The following FMNL2 variants were observed in gnomAD, a reference collection of about 807,000 sequenced individuals.
FMNL2 encodes the protein formin like 2, also known as formin-like protein 2.
A neutral mutation model predicts 130.2 loss-of-function variants in FMNL2; 51 were observed. The ratio of observed to expected loss-of-function variants is 0.39; its 90% CI spans 0.31 to 0.49. The LOEUF (loss-of-function observed/expected upper bound fraction) is 0.49, where lower values mean the gene tolerates loss of function less well. Ranked by LOEUF, FMNL2 falls within the 20% of genes least tolerant of loss-of-function variation. The probability of loss-of-function intolerance (pLI) is 0.85; values close to 1 mark genes in which losing one functional copy is unlikely to be tolerated. For synonymous variants in FMNL2, 465 were observed against 467.1 expected (o/e 1.00, Z 0.06); for missense variants, 977 against 1,316.2 (o/e 0.74, Z 3.99).
intron 2 of FMNL2, among the ~76,000 whole-genome samples, chr2:152,526,866 C>T: frequency 6.6e-6 from 1 of 151,804 alleles, no homozygotes. Flanking sequence ...AAATTTTTCT[C>T]TTGTATTCAA....
chr2:152,525,169 G>C (rs765611892), intron 2 of FMNL2, among the ~76,000 whole-genome samples: 6 of 152,132 alleles, frequency 3.9e-5, no homozygotes, highest in Admixed American at 2.6e-4. Flanking sequence ...TGTTATACCA[G>C]GGATCTGGAA....
intron 1 of FMNL2, among the ~76,000 whole-genome samples, chr2:152,501,540 T>C (rs563878840): frequency 2.6e-5 from 4 of 152,302 alleles, no homozygotes; most frequent in Non-Finnish European, 4.4e-5. Flanking sequence ...CAAACCAAAC[T>C]AGCCAGCTTG....
intron 1 of FMNL2, among the ~76,000 whole-genome samples, chr2:152,397,661 T>C (rs2105949715): frequency 6.6e-6 from 1 of 152,262 alleles, no homozygotes; most frequent in African/African-American, 2.4e-5. Context: ...CCTCCTTTTT[T>C]TTTCTTTTAT....
intron 4 of FMNL2, among the ~76,000 whole-genome samples, chr2:152,549,364 G>T (rs113907216): frequency 4.4e-4 from 67 of 152,288 alleles, no homozygotes; most frequent in African/African-American, 1.5e-3. Context: ...TTTCATGTGT[G>T]CATAACAATT....
chr2:152,358,420 CG>C (rs1438049561), intron 1 of FMNL2, among the ~76,000 whole-genome samples: 2 of 151,944 alleles, frequency 1.3e-5, no homozygotes, highest in Non-Finnish European at 2.9e-5. Context: ...GAGGCTGAGG[CG>C]GGTGGATCAC....
At chr2:152,614,411 A>C (rs1698837242) in intron 11 of FMNL2, among the ~76,000 whole-genome samples, 1 of 152,204 alleles carries the variant, frequency 6.6e-6, no homozygotes, top group African/African-American at 2.4e-5. Context: ...ATGACATGTT[A>C]AGCTCTCTTG....
chr2:152,538,971 C>CT (rs1285138206), intron 2 of FMNL2, among the ~76,000 whole-genome samples: 1 of 152,116 alleles, frequency 6.6e-6, no homozygotes, highest in African/African-American at 2.4e-5. Context: ...ATTTTTCCCT[C>CT]TAAATATTAG....
chr2:152,390,202 G>T (rs112146210), intron 1 of FMNL2: 2 of 1,402,966 alleles, frequency 1.4e-6, no homozygotes, highest in African/African-American at 1.4e-5. Context: ...GTCCCTTTCC[G>T]TGTAAACTTC....
In FMNL2 at chr2:152,619,552, G is replaced by GCCACCCCCCCCCCC; in HGVS notation, c.1673_1674insACCCCCCCCCCCCC (p.Pro564LeufsTer29). ...CACCACCTATGCCACCGCCGCCGCC[G>GCCACCCCCCCCCCC]CCCCCTCCTCCACCTCCTCCTCCCC... On this transcript the variant is annotated frameshift_variant, in exon 15 of 26. Transcript: ENST00000288670. LOFTEE classifies it high-confidence loss of function. 2 of 1,417,700 alleles carry GCCACCCCCCCCCCC rather than the reference G, an allele frequency of 1.4e-6. No individual in the cohort carries two copies. Among genetic ancestry groups the GCCACCCCCCCCCCC allele is most frequent in the South Asian group, 1.3e-5 (1 of 79,022 alleles). The allele number at this position is 1,417,700 out of a possible 1,614,324, so 87.8% of individuals were successfully genotyped here.
chr2:152,419,498 G>A (rs1686794720), intron 1 of FMNL2, among the ~76,000 whole-genome samples: 1 of 152,072 alleles, frequency 6.6e-6, no homozygotes, highest in Non-Finnish European at 1.5e-5. Context: ...CAAAACAATC[G>A]AATTCATAGA....
intron 1 of FMNL2, among the ~76,000 whole-genome samples, chr2:152,379,363 C>T (rs1475854980): frequency 6.6e-6 from 1 of 152,196 alleles, no homozygotes; most frequent in Non-Finnish European, 1.5e-5. Flanking sequence ...AGTCTTCTTG[C>T]AGTAACTTCC....
intron 5 of FMNL2, among the ~76,000 whole-genome samples, chr2:152,559,233 G>A (rs1451273012): frequency 1.3e-5 from 2 of 152,206 alleles, no homozygotes; most frequent in African/African-American, 2.4e-5. Context: ...CATAGAAAAT[G>A]ATTGCAGAAA....
intron 9 of FMNL2, among the ~76,000 whole-genome samples, chr2:152,600,609 G>A (rs557567458): frequency 2.0e-5 from 3 of 152,134 alleles, no homozygotes; most frequent in Admixed American, 1.3e-4. Flanking sequence ...CCTAACCGCC[G>A]CCCACCCTTT....
At chr2:152,435,773 TG>T (rs1428870293) in intron 1 of FMNL2, among the ~76,000 whole-genome samples, 1 of 152,200 alleles carries the variant, frequency 6.6e-6, no homozygotes, top group Non-Finnish European at 1.5e-5. Context: ...CAAACCAAAT[TG>T]CTAATTATGT....
chr2:152,625,888 A>G (rs1012511825), intron 16 of FMNL2, among the ~76,000 whole-genome samples: 1 of 152,204 alleles, frequency 6.6e-6, no homozygotes, highest in Non-Finnish European at 1.5e-5. Flanking sequence ...AGTGAGCTCA[A>G]TTATCACACT....
intron 7 of FMNL2, among the ~76,000 whole-genome samples, chr2:152,576,930 A>C (rs2105701696): frequency 6.6e-6 from 1 of 152,254 alleles, no homozygotes; most frequent in Admixed American, 6.5e-5. Context: ...GATTATGTAG[A>C]GCTTTAGAGG....
intron 1 of FMNL2, 74 bp downstream of exon 1, chr2:152,335,794 C>G (rs1681375880): frequency 5.5e-6 from 6 of 1,084,578 alleles, no homozygotes; most frequent in Non-Finnish European, 7.5e-6. Context: ...CCCCGCCCCT[C>G]CCCTTCACCC....
intron 1 of FMNL2, among the ~76,000 whole-genome samples, chr2:152,398,028 C>T (rs557560468): frequency 2.0e-5 from 3 of 152,178 alleles, no homozygotes; most frequent in South Asian, 2.1e-4. Flanking sequence ...GAGGCTGAGG[C>T]GGGAGAATTG....
At chr2:152,505,736 C>T (rs773622119) in intron 1 of FMNL2, among the ~76,000 whole-genome samples, 33 of 152,138 alleles carry the variant, frequency 2.2e-4, no homozygotes, top group Admixed American at 1.3e-4. Context: ...GCCGTGTCTT[C>T]GAGTGTCTGA....
Sources: gnomAD v4.1 joint callset for allele counts (sites outside exome capture counted in the v4.1 genomes callset) on GRCh38, gnomAD v4.1.1 for gene constraint, MANE v1.5 for transcripts, NCBI Gene and HGNC (gene_info 2026-07-23, HGNC 2026-07-21) for gene names.